COP1: variants seen among roughly 807,000 people sequenced by gnomAD.
COP1 encodes the protein E3 ubiquitin-protein ligase COP1.
In COP1, 24 loss-of-function variants were observed where a neutral mutation model predicts 101.3. The observed-to-expected ratio is 0.24, with a 90% confidence interval of 0.17 to 0.33. The LOEUF is 0.33. COP1 is among the 10% of genes least tolerant of loss of function. The pLI, the probability that COP1 is intolerant of heterozygous loss-of-function variation, is 1.00. For synonymous variants in COP1, 347 were observed against 341.9 expected (o/e 1.01, Z -0.17); for missense variants, 663 against 906.2 (o/e 0.73, Z 3.45).
In COP1 at chr1:176,173,324, G is replaced by GAAAAAAAAAAAAAA. The variant is rs11396126; in HGVS notation, c.565+2572_565+2585dup. 3.2e-5 allele frequency among the ~76,000 whole-genome samples: 3 copies of GAAAAAAAAAAAAAA among 93,704 alleles called. 1 individual carries two copies. The highest frequency in any genetic ancestry group is 1.9e-5 in the Non-Finnish European group (1 of 51,830). The allele number at this position is 93,704 out of a possible 152,430, so 61.5% of individuals were successfully genotyped here. A position where few individuals can be genotyped will look rare whatever the true frequency, so the allele number is the denominator to read the frequency against. On this transcript the variant is annotated intron_variant, in intron 3 of 19. Coordinates refer to ENST00000367669, the MANE Select transcript of COP1 (RefSeq NM_022457.7). ...AGACTTTGTCTCAAAAAAACAAAATGAAAAAAAAAAAAAAAAAAAACCAGT... is the reference window on the plus strand; with the variant it reads ...AGACTTTGTCTCAAAAAAACAAAATGAAAAAAAAAAAAAAAAAAAAAAAAAAAAAAAAAACCAGT...
chr1:176,101,942 T>A (rs1043417562), intron 9 of COP1, among the ~76,000 whole-genome samples: 10 of 152,118 alleles, frequency 6.6e-5, no homozygotes, highest in Admixed American at 6.5e-4. Flanking sequence ...TATATACTTC[T>A]TTAGAGGAGA....
chr1:176,179,102 C>T (rs1444674141), intron 2 of COP1, among the ~76,000 whole-genome samples: 1 of 151,908 alleles, frequency 6.6e-6, no homozygotes, highest in Non-Finnish European at 1.5e-5. Flanking sequence ...CCAGCCTGGG[C>T]AACATGGTGA....
rs550177137 is a variant in COP1, at chr1:176,136,473, T to G, written c.891+15A>C. ...GAAAAATTGCTAAGGATGTGAGAAA[T>G]TCTTGATTCCTTACTTCCACTCTCT... On this transcript the variant is annotated intron_variant, in intron 7 of 19. Transcript: ENST00000367669. 6.4e-7 allele frequency: 1 copy of G among 1,564,238 alleles called. No individual in the cohort carries two copies. Among genetic ancestry groups the G allele is most frequent in the Admixed American group, 1.7e-5 (1 of 57,210 alleles).
intron 3 of COP1, among the ~76,000 whole-genome samples, chr1:176,172,511 T>A (rs1017659947): frequency 3.9e-5 from 6 of 152,188 alleles, no homozygotes; most frequent in Non-Finnish European, 8.8e-5. Flanking sequence ...TACCTATGAC[T>A]AGGCATTGGA....
At chr1:175,995,197 C>T (rs1277217265) in intron 15 of COP1, among the ~76,000 whole-genome samples, 3 of 152,088 alleles carry the variant, frequency 2.0e-5, no homozygotes, top group Non-Finnish European at 4.4e-5. Context: ...TTGAAAACAA[C>T]AAGAACAAAG....
chr1:175,945,512 T>C (rs1417796953), intron 19 of COP1, among the ~76,000 whole-genome samples: 1 of 152,262 alleles, frequency 6.6e-6, no homozygotes, highest in Non-Finnish European at 1.5e-5. Flanking sequence ...AAGTTTTAAG[T>C]ATCCTTGTTT....
chr1:176,088,046 C>G (rs939567497), intron 9 of COP1, among the ~76,000 whole-genome samples: 40 of 152,106 alleles, frequency 2.6e-4, no homozygotes, highest in Admixed American at 7.9e-4. Context: ...TAGGTGGGAA[C>G]TGAACAATGA....
At chr1:175,999,882 A>G (rs1291335181) in intron 15 of COP1, among the ~76,000 whole-genome samples, 2 of 152,010 alleles carry the variant, frequency 1.3e-5, no homozygotes, top group South Asian at 2.1e-4. Context: ...TTTTACATAT[A>G]CCAGTTTGCC....
chr1:175,966,630 A>T (rs1652076803), intron 18 of COP1, among the ~76,000 whole-genome samples: 1 of 152,222 alleles, frequency 6.6e-6, no homozygotes, highest in East Asian at 1.9e-4. Flanking sequence ...AATTTATTAA[A>T]GCAAAATGGA....
chr1:176,015,037 C>T (rs1665380971), intron 15 of COP1, among the ~76,000 whole-genome samples: 1 of 152,014 alleles, frequency 6.6e-6, no homozygotes, highest in South Asian at 2.1e-4. Context: ...GTCTCCTTGA[C>T]AGAGGGTTTT....
chr1:175,964,339 A>G (rs1156916268), intron 18 of COP1, among the ~76,000 whole-genome samples: 1 of 152,208 alleles, frequency 6.6e-6, no homozygotes, highest in African/African-American at 2.4e-5. Context: ...CAAAAACAAA[A>G]AAAAGCCAAC....
chr1:176,127,841 A>G (rs1185979388), intron 8 of COP1, among the ~76,000 whole-genome samples: 1 of 152,084 alleles, frequency 6.6e-6, no homozygotes, highest in East Asian at 1.9e-4. Context: ...ATGTAGCTGT[A>G]CTATTTACAA....
chr1:176,036,547 G>C (rs1398816769), intron 14 of COP1, among the ~76,000 whole-genome samples: 2 of 147,776 alleles, frequency 1.4e-5, no homozygotes, highest in Non-Finnish European at 3.0e-5. Flanking sequence ...AAACCCTAGA[G>C]ATATGAGTAT....
chr1:176,117,520 A>T (rs1686396721), intron 8 of COP1, among the ~76,000 whole-genome samples: 1 of 152,194 alleles, frequency 6.6e-6, no homozygotes, highest in Non-Finnish European at 1.5e-5. Context: ...AACTATCAAC[A>T]ACTGAAAATC....
chr1:176,206,404 C>T (rs1700855615), intron 1 of COP1, 168 bp downstream of exon 1: 3 of 686,174 alleles, frequency 4.4e-6, no homozygotes, highest in Non-Finnish European at 7.1e-6. Context: ...CCCCACCAAC[C>T]AGGAGCTCGA....
chr1:176,074,647 G>T (rs1677638018), intron 11 of COP1, among the ~76,000 whole-genome samples: 1 of 151,910 alleles, frequency 6.6e-6, no homozygotes, highest in Non-Finnish European at 1.5e-5. Flanking sequence ...GCCTCAGAAT[G>T]CACAATGTTT....
chr1:176,093,392 A>G (rs112525302), intron 9 of COP1, among the ~76,000 whole-genome samples: 6,653 of 152,230 alleles, frequency 0.044, 199 homozygotes, highest in South Asian at 0.086. Flanking sequence ...TTGTAATTCT[A>G]GATTTTAGCC....
chr1:176,005,823 C>G (rs963594583), intron 15 of COP1, among the ~76,000 whole-genome samples: 197 of 152,154 alleles, frequency 1.3e-3, no homozygotes, highest in African/African-American at 4.5e-3. Flanking sequence ...CATGCATATT[C>G]TGTTGATTTG....
At chr1:175,996,827 G>A (rs1056916643) in intron 15 of COP1, among the ~76,000 whole-genome samples, 1 of 152,076 alleles carries the variant, frequency 6.6e-6, no homozygotes, top group African/African-American at 2.4e-5. Context: ...TACTGCCCAA[G>A]GTAATTTATA....
Sources: allele counts gnomAD v4.1 joint callset (sites outside exome capture counted in the v4.1 genomes callset), GRCh38; gene constraint gnomAD v4.1.1; transcripts MANE v1.5; gene names NCBI Gene and HGNC (gene_info 2026-07-23, HGNC 2026-07-21).